Variants in UNC80 observed in about 807,000 individuals in gnomAD.
UNC80 encodes unc-80 subunit of NALCN channel complex, also known as protein unc-80 homolog.
In UNC80, 164 loss-of-function variants were observed where a neutral mutation model predicts 384.6. That is an observed-to-expected ratio of 0.43 (90% CI 0.38 to 0.49). The LOEUF (loss-of-function observed/expected upper bound fraction) is 0.49, where lower values mean the gene tolerates loss of function less well. Among genes scored for constraint, UNC80 ranks in the 20% least tolerant of loss-of-function variants. The pLI, the probability that UNC80 is intolerant of heterozygous loss-of-function variation, is 0.00. For missense variants in UNC80, 3,330 were observed against 4,143.0 expected (o/e 0.80, Z 5.39); for synonymous variants, 1,486 against 1,527.8 (o/e 0.97, Z 0.64).
chr2:209,796,186 G>A (rs992421199), intron 7 of UNC80: 2 of 152,252 alleles, frequency 1.3e-5, no homozygotes, highest in African/African-American at 4.8e-5. Context: ...GATCATTTTG[G>A]AGCTTTAAAG....
intron 29 of UNC80, among the ~76,000 whole-genome samples, chr2:209,910,282 C>T (rs1456221549): frequency 2.0e-5 from 3 of 151,896 alleles, no homozygotes; most frequent in Non-Finnish European, 4.4e-5. Flanking sequence ...CAAAGGACCA[C>T]TAGTAGATGC....
chr2:209,972,106 G>A, intron 54 of UNC80, 95 bp from the exon 55 acceptor site: 1 of 1,430,882 alleles, frequency 7.0e-7, no homozygotes, highest in South Asian at 1.4e-5. Context: ...GGAGCAGCCA[G>A]CAGGGAGTCA....
At chr2:209,863,090 T>C (rs1285696560) in intron 22 of UNC80, among the ~76,000 whole-genome samples, 1 of 152,210 alleles carries the variant, frequency 6.6e-6, no homozygotes, top group African/African-American at 2.4e-5. Flanking sequence ...CCTTTGCTTA[T>C]AAAGCTTCAT....
rs1305299766 is a variant in UNC80, at chr2:209,918,604, C to A, written c.5284C>A (p.Pro1762Thr). ...AATGCCATCCGTCCCAATGTTTGAC[C>A]CACCGTGGGTTCCTCAGTGCAGCGG... ...LGMPSVPMFD[P>T]PWVPQCSGSV... Residue 1762 changes from proline to threonine, a missense_variant, in exon 33 of 65, where the codon CCA (proline) becomes ACA (threonine). Pro to Thr is a conservative substitution (Grantham distance 38). Coordinates refer to ENST00000673920, the MANE Select transcript of UNC80 (RefSeq NM_001371986.1). 22 of 1,552,048 alleles carry A rather than the reference C, an allele frequency of 1.4e-5. No homozygotes were observed. The highest frequency in any genetic ancestry group is 1.7e-5 in the Non-Finnish European group (20 of 1,147,048).
At position 209,839,280 on chromosome 2, in the gene UNC80, A is replaced by G; in HGVS notation, c.3100A>G (p.Lys1034Glu). ...GRKDFWRKMFKSQSAASDTSS... is the reference protein window; with the variant it reads ...GRKDFWRKMFESQSAASDTSS... ...GAAAGATTTCTGGCGTAAGATGTTC[A>G]AGTCCCAGAGTGCAGCAAGTGACAC... is the stretch of plus-strand genomic sequence containing the variant. The change falls in exon 19 of 65, where the codon AAG becomes GAG. Residue 1034 changes from lysine to glutamate, a missense_variant. Transcript: ENST00000673920. This position sits in a 1 kb window ranked among gnomAD's most constrained non-coding sequence, Gnocchi z 4.1. 6.4e-7 allele frequency: 1 copy of G among 1,551,644 alleles called. No homozygotes were observed. The highest frequency in any genetic ancestry group is 8.7e-7 in the Non-Finnish European group (1 of 1,146,990).
At chr2:209,944,449 T>A (rs572861071) in intron 45 of UNC80, among the ~76,000 whole-genome samples, 22 of 152,284 alleles carry the variant, frequency 1.4e-4, no homozygotes, top group Non-Finnish European at 3.1e-4. Flanking sequence ...TGTCTTTGCT[T>A]GTTTGTTTGG....
In UNC80 at chr2:209,834,898, C is replaced by G. The variant is rs2081237032; in HGVS notation, c.2943-14C>G. ...CTGCTCTGCTGTAATTGTTGGAATG[C>G]ACCATTTGCATAGGTCAGAGGCGGG... On this transcript the variant is annotated splice_polypyrimidine_tract_variant and intron_variant, in intron 17 of 64. Transcript: ENST00000673920. 1.3e-6 allele frequency: 2 copies of G among 1,541,958 alleles called. No individual in the cohort carries two copies. Among genetic ancestry groups the G allele is most frequent in the South Asian group, 2.4e-5 (2 of 83,808 alleles).
At chr2:209,945,681 C>A (rs893868553) in intron 46 of UNC80, among the ~76,000 whole-genome samples, 166 bp from the exon 47 acceptor site, 2 of 152,072 alleles carry the variant, frequency 1.3e-5, no homozygotes, top group Non-Finnish European at 2.9e-5. Context: ...AACAGAATTT[C>A]GTTCCCTTGA....
chr2:209,786,182 C>G lies in UNC80; in HGVS notation c.717C>G (p.Ile239Met). The G allele has an allele frequency of 6.2e-7, 1 of 1,613,678 alleles. No individual in the cohort carries two copies. Among genetic ancestry groups the G allele is most frequent in the Non-Finnish European group, 8.5e-7 (1 of 1,179,752 alleles). The change falls in exon 5 of 65, where the codon ATC becomes ATG. Residue 239 changes from isoleucine to methionine, a missense_variant. Physicochemically the swap from Ile to Met is conservative, Grantham distance 10. Transcript: ENST00000673920. The stretch of plus-strand genomic sequence containing the variant: ...CACTGGTGAAGCCCATCAGGAACAT[C>G]ATTACAGGTTTGTAACTTGGACACT... ...FTALVKPIRN[I>M]ITAKRSSPIN...
At chr2:209,928,223 C>G (rs1158458813) in intron 36 of UNC80, among the ~76,000 whole-genome samples, 1 of 152,080 alleles carries the variant, frequency 6.6e-6, no homozygotes. Flanking sequence ...GTAATCCCAG[C>G]TACTCATGAG....
At chr2:209,838,892 C>T (rs1410775073) in intron 18 of UNC80, among the ~76,000 whole-genome samples, 5 of 152,024 alleles carry the variant, frequency 3.3e-5, no homozygotes, top group Admixed American at 2.0e-4. Context: ...ACCTGGGAGG[C>T]GGAGGTTGCA....
Position 209,831,587 on chromosome 2 carries a change from A to C in UNC80, c.2771A>C (p.Asn924Thr). 1 of 1,539,522 alleles carries C rather than the reference A, an allele frequency of 6.5e-7. No homozygotes were observed. Among genetic ancestry groups the C allele is most frequent in the Non-Finnish European group, 8.8e-7 (1 of 1,141,530 alleles). Residue 924 changes from asparagine to threonine, a missense_variant, in exon 16 of 65, where the codon AAT becomes ACT. This residue lies in a region of UNC80 where 937 missense variants were observed against 1,026.8 expected (regional missense o/e 0.91). Transcript: ENST00000673920. ...STTHELHSPE[N>T]LGLYCDIRQL... ...ACACATGAATTGCACAGCCCTGAGA[A>C]TCTGGTGAGAAGCTCTCCTCTCTTC...
intron 48 of UNC80, chr2:209,954,521 C>A: frequency 3.5e-6 from 1 of 285,678 alleles, no homozygotes; most frequent in Non-Finnish European, 6.4e-6. Context: ...GCTAAACACA[C>A]ATTTGCATAT....
chr2:209,981,076 T>TC (rs1229735221), intron 59 of UNC80, among the ~76,000 whole-genome samples: 3 of 152,330 alleles, frequency 2.0e-5, no homozygotes, highest in African/African-American at 7.2e-5. Context: ...TGATTTGAAA[T>TC]AAGTTCAATT....
Position 209,773,156 on chromosome 2 carries a change from A to T in UNC80, c.141+14A>T. The stretch of plus-strand genomic sequence containing the variant: ...GCTTCTTGTGTGGTATGTGATTTTC[A>T]CCATTTAATAATTATTTCCCTATTC... On this transcript the variant is annotated intron_variant, in intron 2 of 64. Transcript: ENST00000673920. 1 of 1,611,236 alleles carries T rather than the reference A, an allele frequency of 6.2e-7. No homozygotes were observed.
chr2:209,852,723 T>C (rs2082619164), intron 22 of UNC80, among the ~76,000 whole-genome samples: 1 of 152,114 alleles, frequency 6.6e-6, no homozygotes. Flanking sequence ...TACCTATTGA[T>C]CTGGGTTAGG....
At chr2:209,797,377 T>A (rs1045123408) in intron 7 of UNC80, among the ~76,000 whole-genome samples, 1 of 152,120 alleles carries the variant, frequency 6.6e-6, no homozygotes, top group African/African-American at 2.4e-5. Context: ...TCTGTATCCA[T>A]GTGTTCTCAA....
intron 28 of UNC80, among the ~76,000 whole-genome samples, chr2:209,903,107 C>G (rs1006137306): frequency 1.3e-5 from 2 of 151,608 alleles, no homozygotes; most frequent in Non-Finnish European, 2.9e-5. Flanking sequence ...CTTATAATAC[C>G]TAATACAATG....
chr2:209,893,109 A>G (rs1042440903), intron 26 of UNC80, among the ~76,000 whole-genome samples: 1 of 152,242 alleles, frequency 6.6e-6, no homozygotes, highest in African/African-American at 2.4e-5. Flanking sequence ...TCACAGTCAC[A>G]TTAACTCTCT....
Sources: allele counts gnomAD v4.1 joint callset (sites outside exome capture counted in the v4.1 genomes callset), GRCh38; gene constraint gnomAD v4.1.1; regional missense constraint gnomAD v4.1.1; non-coding constraint Gnocchi (gnomAD v3.1); transcripts MANE v1.5; gene names NCBI Gene and HGNC (gene_info 2026-07-23, HGNC 2026-07-21).